Variants in LRRTM4 observed in about 807,000 individuals in gnomAD.
The protein encoded by LRRTM4 is leucine rich repeat transmembrane neuronal 4, also known as leucine-rich repeat transmembrane neuronal protein 4.
Under a neutral mutation model 47.6 loss-of-function variants are expected in LRRTM4, and 25 were observed. That is an observed-to-expected ratio of 0.53 (90% CI 0.38 to 0.73). The LOEUF (loss-of-function observed/expected upper bound fraction) is 0.73. Among genes scored for constraint, LRRTM4 ranks in the 30% least tolerant of loss-of-function variants. The pLI, the probability that LRRTM4 is intolerant of heterozygous loss-of-function variation, is 0.00. For missense variants in LRRTM4, 638 were observed against 713.4 expected, an observed-to-expected ratio of 0.89 and a Z score of 1.20; for synonymous variants, 311 against 269.5, an observed-to-expected ratio of 1.15 and a Z score of -1.51.
intron 3 of LRRTM4, among the ~76,000 whole-genome samples, chr2:77,397,782 C>T (rs1489819402): frequency 2.6e-5 from 4 of 151,914 alleles, no homozygotes; most frequent in South Asian, 2.1e-4. Context: ...AAAGTGATAC[C>T]TTGAGTATAA....
At chr2:76,898,785 A>G in intron 3 of LRRTM4, among the ~76,000 whole-genome samples, 1 of 151,212 alleles carries the variant, frequency 6.6e-6, no homozygotes, top group Non-Finnish European at 1.5e-5. Flanking sequence ...TATAGTCACT[A>G]TACATTATAT....
intron 3 of LRRTM4, among the ~76,000 whole-genome samples, chr2:76,906,140 C>A (rs566569503): frequency 3.3e-5 from 5 of 152,288 alleles, no homozygotes; most frequent in African/African-American, 9.6e-5. Context: ...AGACTAACAG[C>A]TGATCTCTCA....
intron 3 of LRRTM4, among the ~76,000 whole-genome samples, chr2:77,306,198 C>A (rs1677266856): frequency 6.6e-6 from 1 of 152,116 alleles, no homozygotes; most frequent in Non-Finnish European, 1.5e-5. Context: ...ATTACCAAAT[C>A]AAAGGTATAT....
chr2:77,159,016 A>G (rs1447688033), intron 3 of LRRTM4, among the ~76,000 whole-genome samples: 1 of 152,222 alleles, frequency 6.6e-6, no homozygotes, highest in African/African-American at 2.4e-5. Context: ...TTTAACCACT[A>G]AACCAGACTT....
intron 3 of LRRTM4, among the ~76,000 whole-genome samples, chr2:77,144,103 T>A (rs183414304): frequency 6.6e-6 from 1 of 152,258 alleles, no homozygotes; most frequent in Non-Finnish European, 1.5e-5. Flanking sequence ...CAATTATGAC[T>A]TTAGCCAACC....
intron 3 of LRRTM4, among the ~76,000 whole-genome samples, chr2:76,945,777 GTGTA>G (rs1675303920): frequency 1.3e-5 from 2 of 150,420 alleles, no homozygotes; most frequent in Admixed American, 6.6e-5. Flanking sequence ...GTGTGTGTAT[GTGTA>G]TGTATTTATT....
chr2:76,822,915 A>T (rs1671093626), intron 3 of LRRTM4, among the ~76,000 whole-genome samples: 1 of 151,492 alleles, frequency 6.6e-6, no homozygotes, highest in Non-Finnish European at 1.5e-5. Context: ...TAAAAGTAAT[A>T]AAATTATTTC....
chr2:76,748,467 A>G lies in LRRTM4; in HGVS notation c.*228T>C. 1 of 556,214 alleles carries G rather than the reference A, an allele frequency of 1.8e-6. No homozygotes were observed. The highest frequency in any genetic ancestry group is 3.2e-6 in the Non-Finnish European group (1 of 313,308). The allele number at this position is 556,214 out of a possible 1,614,324, so 34.5% of individuals were successfully genotyped here. A position where few individuals can be genotyped will look rare whatever the true frequency, so the allele number is the denominator to read the frequency against. ...ATCCGGGAGCATTTTTGTTTGTTTT[A>G]TGTTTTAAAGCAAAGAAAGTTCTGC... is the stretch of plus-strand genomic sequence containing the variant. On this transcript the variant is annotated 3_prime_UTR_variant, in exon 4 of 4. Transcript: ENST00000409884.
intron 3 of LRRTM4, among the ~76,000 whole-genome samples, chr2:76,903,772 CAAAT>C (rs1673725585): frequency 6.6e-6 from 1 of 152,046 alleles, no homozygotes; most frequent in African/African-American, 2.4e-5. Flanking sequence ...TACTGGGTTA[CAAAT>C]AATATTTATA....
intron 3 of LRRTM4, among the ~76,000 whole-genome samples, chr2:77,033,799 T>C (rs1261359232): frequency 6.6e-6 from 1 of 151,918 alleles, no homozygotes; most frequent in East Asian, 1.9e-4. Context: ...TTTAATAATG[T>C]CTTATTAAAT....
chr2:77,088,858 C>A (rs2103877664), intron 3 of LRRTM4, among the ~76,000 whole-genome samples: 1 of 152,130 alleles, frequency 6.6e-6, no homozygotes, highest in Middle Eastern at 3.4e-3. Context: ...CTCCAACCTC[C>A]CTCACTATCC....
intron 3 of LRRTM4, among the ~76,000 whole-genome samples, chr2:76,970,884 A>C (rs1416808081): frequency 6.6e-6 from 1 of 152,038 alleles, no homozygotes; most frequent in Admixed American, 6.6e-5. Context: ...GACTGAGACA[A>C]GAACAGTGTG....
At chr2:76,792,315 ATTAAG>A (rs775332487) in intron 3 of LRRTM4, among the ~76,000 whole-genome samples, 7 of 152,140 alleles carry the variant, frequency 4.6e-5, no homozygotes, top group Admixed American at 1.3e-4. Context: ...CACTTTACAC[ATTAAG>A]TTAAATACCA....
intron 3 of LRRTM4, among the ~76,000 whole-genome samples, chr2:77,409,080 A>G (rs1343030788): frequency 6.6e-6 from 1 of 152,180 alleles, no homozygotes; most frequent in Non-Finnish European, 1.5e-5. Flanking sequence ...GCTAAATGCG[A>G]TTTTCATCAC....
At chr2:77,197,992 T>C (rs947320303) in intron 3 of LRRTM4, among the ~76,000 whole-genome samples, 3 of 152,170 alleles carry the variant, frequency 2.0e-5, no homozygotes, top group Admixed American at 6.6e-5. Flanking sequence ...CACACACACA[T>C]GCACGACTTT....
chr2:76,958,462 A>C (rs555016110), intron 3 of LRRTM4, among the ~76,000 whole-genome samples: 1 of 151,952 alleles, frequency 6.6e-6, no homozygotes, highest in South Asian at 2.1e-4. Context: ...ATATTGCTGA[A>C]TGTTCCAGAT....
chr2:76,753,402 A>G (rs72917761), intron 3 of LRRTM4, among the ~76,000 whole-genome samples: 2,875 of 152,240 alleles, frequency 0.019, 91 homozygotes, highest in African/African-American at 0.064. Flanking sequence ...TTCCATTTAG[A>G]GAGATGCTAG....
At chr2:76,946,290 C>T (rs752470963) in intron 3 of LRRTM4, among the ~76,000 whole-genome samples, 1 of 151,852 alleles carries the variant, frequency 6.6e-6, no homozygotes, top group Non-Finnish European at 1.5e-5. Context: ...GAGGTATTGT[C>T]AGCGTTTGTT....
At chr2:76,980,764 A>C (rs1676576595) in intron 3 of LRRTM4, among the ~76,000 whole-genome samples, 1 of 152,112 alleles carries the variant, frequency 6.6e-6, no homozygotes, top group Non-Finnish European at 1.5e-5. Context: ...TTTGAAACTT[A>C]GATGTCAAGA....
Sources: allele counts gnomAD v4.1 joint callset (sites outside exome capture counted in the v4.1 genomes callset), GRCh38; gene constraint gnomAD v4.1.1; transcripts MANE v1.5; gene names NCBI Gene and HGNC (gene_info 2026-07-23, HGNC 2026-07-21).